Variants in INSYN2B observed in about 807,000 individuals in gnomAD.
INSYN2B encodes protein INSYN2B.
Under a neutral mutation model 41.2 loss-of-function variants are expected in INSYN2B, and 16 were observed. That is an observed-to-expected ratio of 0.39 (90% CI 0.26 to 0.59). The LOEUF (loss-of-function observed/expected upper bound fraction) is 0.59. Ranked by LOEUF, INSYN2B falls within the 20% of genes least tolerant of loss-of-function variation. The pLI, the probability that INSYN2B is intolerant of heterozygous loss-of-function variation, is 0.57. For missense variants in INSYN2B, 608 were observed against 646.4 expected (o/e 0.94, Z 0.64); for synonymous variants, 245 against 244.4 (o/e 1.00, Z -0.02).
Position 169,962,196 on chromosome 5 carries a change from C to T in INSYN2B, c.-919+18081G>A, listed in dbSNP as rs116615946. ...TGGTTGCTCCCTGGAGGGGAGGGAG[C>T]AAGATTGGAGGCAGAGGACAGTTAG... On this transcript the variant is annotated intron_variant, in intron 1 of 3. Transcript: ENST00000377365. 3.2e-3 allele frequency among the ~76,000 whole-genome samples: 491 copies of T among 151,814 alleles called. 4 individuals are homozygous for T. The highest frequency in any genetic ancestry group is 0.011 in the African/African-American group (475 of 41,354).
At chr5:169,871,206 C>CG (rs762590502) in intron 3 of INSYN2B, among the ~76,000 whole-genome samples, 119 of 152,306 alleles carry the variant, frequency 7.8e-4, no homozygotes, top group Non-Finnish European at 1.6e-3. Context: ...CACAAACATT[C>CG]AGTCTATTCA....
chr5:169,874,554 T>C (rs576679911), intron 3 of INSYN2B, among the ~76,000 whole-genome samples: 3 of 151,908 alleles, frequency 2.0e-5, no homozygotes, highest in Admixed American at 6.6e-5. Flanking sequence ...ACCATACCCC[T>C]ATCCTGAAGT....
At chr5:169,870,126 G>C (rs1192425716) in intron 3 of INSYN2B, among the ~76,000 whole-genome samples, 1 of 152,196 alleles carries the variant, frequency 6.6e-6, no homozygotes, top group Non-Finnish European at 1.5e-5. Flanking sequence ...TTAACTGCCT[G>C]AGGTGCCTTA....
Position 169,916,290 on chromosome 5 carries a change from G to C in INSYN2B, c.-918-31474C>G, listed in dbSNP as rs187233344. Among the ~76,000 whole-genome samples the C allele has an allele frequency of 1.4e-3, 208 of 152,360 alleles. 1 individual carries two copies. Among genetic ancestry groups the C allele is most frequent in the Non-Finnish European group, 9.0e-4 (61 of 68,034 alleles). On this transcript the variant is annotated intron_variant, in intron 1 of 3. Transcript: ENST00000377365. The stretch of plus-strand genomic sequence containing the variant: ...GTGTGTTTGTCCAACAGGAGCCTGT[G>C]ACTTGGGATTTGTGTCTGCACATGC...
At chr5:169,955,345 A>C (rs1198285930) in intron 1 of INSYN2B, among the ~76,000 whole-genome samples, 4 of 152,124 alleles carry the variant, frequency 2.6e-5, no homozygotes, top group Non-Finnish European at 5.9e-5. Flanking sequence ...ACACTTACTG[A>C]GCACCTACTG....
chr5:169,974,816 CA>C (rs1348323491), intron 1 of INSYN2B, among the ~76,000 whole-genome samples: 2 of 151,930 alleles, frequency 1.3e-5, no homozygotes, highest in African/African-American at 4.8e-5. Flanking sequence ...GTTCTTTTTG[CA>C]ATCATATTTG....
intron 1 of INSYN2B, among the ~76,000 whole-genome samples, chr5:169,899,505 C>G (rs1174628292): frequency 6.6e-6 from 1 of 152,158 alleles, no homozygotes; most frequent in Non-Finnish European, 1.5e-5. Flanking sequence ...TCTTGCTTGC[C>G]TCAAATGGAC....
intron 1 of INSYN2B, among the ~76,000 whole-genome samples, chr5:169,900,547 G>A (rs527925156): frequency 6.6e-6 from 1 of 152,192 alleles, no homozygotes; most frequent in South Asian, 2.1e-4. Context: ...GCTTAGGCAA[G>A]CTGTACATTT....
intron 1 of INSYN2B, among the ~76,000 whole-genome samples, chr5:169,957,744 C>T (rs1054146142): frequency 4.6e-5 from 7 of 152,228 alleles, no homozygotes; most frequent in African/African-American, 1.7e-4. Flanking sequence ...TTGATTGTCT[C>T]AGGTTCCTGG....
At chr5:169,930,449 C>T (rs767940144) in intron 1 of INSYN2B, among the ~76,000 whole-genome samples, 1 of 152,178 alleles carries the variant, frequency 6.6e-6, no homozygotes, top group East Asian at 1.9e-4. Flanking sequence ...GATGACATTT[C>T]TTGGACAATT....
chr5:169,972,575 AGATAGATAGAT>A (rs1181941615), intron 1 of INSYN2B, among the ~76,000 whole-genome samples: 3,243 of 57,048 alleles, frequency 0.057, 43 homozygotes, highest in Non-Finnish European at 0.07. Context: ...ATAGATAGAT[AGATAGATAGAT>A]GATAGATAGA....
At chr5:169,937,549 A>G (rs1193546477) in intron 1 of INSYN2B, among the ~76,000 whole-genome samples, 1 of 152,240 alleles carries the variant, frequency 6.6e-6, no homozygotes, top group Non-Finnish European at 1.5e-5. Flanking sequence ...ATAGGAACAT[A>G]TATTGAGTAC....
intron 1 of INSYN2B, among the ~76,000 whole-genome samples, chr5:169,944,382 C>G (rs1454083102): frequency 2.0e-5 from 3 of 152,198 alleles, no homozygotes; most frequent in African/African-American, 7.2e-5. Context: ...GAAGGATTAT[C>G]AAAAATAGAA....
At position 169,909,730 on chromosome 5, in the gene INSYN2B, A is replaced by G. The variant is rs545532100; in HGVS notation, c.-918-24914T>C. On this transcript the variant is annotated intron_variant, in intron 1 of 3. Transcript: ENST00000377365. ...CCTCAACAAACAGAATTTTGGTTCT[A>G]TCCCAAAGCCAGTGTCACTGTGAAT... 3.9e-5 allele frequency among the ~76,000 whole-genome samples: 6 copies of G among 152,326 alleles called. No individual in the cohort carries two copies. In the South Asian group the frequency reaches 1.0e-3, roughly 26 times the overall value.
intron 3 of INSYN2B, among the ~76,000 whole-genome samples, chr5:169,870,655 A>T (rs1771904091): frequency 1.3e-5 from 2 of 152,020 alleles, no homozygotes; most frequent in Non-Finnish European, 2.9e-5. Context: ...CACAATGTGC[A>T]GGTTTGTTAC....
intron 1 of INSYN2B, among the ~76,000 whole-genome samples, chr5:169,945,244 T>C (rs1279386227): frequency 1.3e-5 from 2 of 152,250 alleles, no homozygotes; most frequent in Non-Finnish European, 1.5e-5. Flanking sequence ...GACTGTGTTA[T>C]CATTCATACA....
In INSYN2B at chr5:169,863,108, G is replaced by A. The variant is rs1184285047; in HGVS notation, c.*1165C>T. Among the ~76,000 whole-genome samples, 1 of 152,142 alleles carries A rather than the reference G, an allele frequency of 6.6e-6. No individual in the cohort carries two copies. Among genetic ancestry groups the A allele is most frequent in the Non-Finnish European group, 1.5e-5 (1 of 68,026 alleles). On this transcript the variant is annotated 3_prime_UTR_variant, in exon 4 of 4. Coordinates refer to ENST00000377365, the MANE Select transcript of INSYN2B (RefSeq NM_001129891.3). ...TTGTTCAGCCATGCAAGTTTGACTG[G>A]ATCCACATGTATGTAGGTCTTGTCA... is the stretch of plus-strand genomic sequence containing the variant.
At chr5:169,899,303 G>A (rs1773789312) in intron 1 of INSYN2B, among the ~76,000 whole-genome samples, 1 of 152,150 alleles carries the variant, frequency 6.6e-6, no homozygotes, top group Non-Finnish European at 1.5e-5. Flanking sequence ...TCCTCAGAGT[G>A]CCTGACTTCC....
At chr5:169,910,297 G>A (rs1481177695) in intron 1 of INSYN2B, among the ~76,000 whole-genome samples, 2 of 152,158 alleles carry the variant, frequency 1.3e-5, no homozygotes, top group Admixed American at 6.5e-5. Context: ...CCACCGCATG[G>A]AATATGTAAG....
Sources: allele counts gnomAD v4.1 joint callset (sites outside exome capture counted in the v4.1 genomes callset), GRCh38; gene constraint gnomAD v4.1.1; transcripts MANE v1.5; gene names NCBI Gene and HGNC (gene_info 2026-07-23, HGNC 2026-07-21).